Variants in RAB3B observed in about 807,000 individuals in gnomAD.
RAB3B encodes RAB3B, member RAS oncogene family, also known as ras-related protein Rab-3B.
A neutral mutation model predicts 20.5 loss-of-function variants in RAB3B; 11 were observed. The observed-to-expected ratio is 0.54, with a 90% CI of 0.34 to 0.89. RAB3B has a LOEUF of 0.89. Among genes scored for constraint, RAB3B ranks in the 40% least tolerant of loss-of-function variants. RAB3B has a pLI of 0.02. For missense variants in RAB3B, 225 were observed against 280.9 expected, an observed-to-expected ratio of 0.80 and a Z score of 1.42; for synonymous variants, 99 against 106.3, an observed-to-expected ratio of 0.93 and a Z score of 0.42.
intron 1 of RAB3B, among the ~76,000 whole-genome samples, chr1:51,986,370 T>G (rs947237499): frequency 6.6e-6 from 1 of 152,026 alleles, no homozygotes; most frequent in Non-Finnish European, 1.5e-5. Flanking sequence ...CAGGATGGTC[T>G]CGGTCTCCTG....
At chr1:51,953,474 A>G (rs984179193) in intron 2 of RAB3B, among the ~76,000 whole-genome samples, 2 of 152,228 alleles carry the variant, frequency 1.3e-5, no homozygotes, top group African/African-American at 2.4e-5. Context: ...ATTGCAGGTG[A>G]TAAAAGTAAG....
At chr1:51,943,567 C>T (rs562325454) in intron 2 of RAB3B, among the ~76,000 whole-genome samples, 63 of 152,256 alleles carry the variant, frequency 4.1e-4, no homozygotes, top group African/African-American at 1.4e-3. Context: ...TTGTACCAAA[C>T]GTTAGCCAAA....
intron 2 of RAB3B, among the ~76,000 whole-genome samples, chr1:51,951,965 AG>A (rs1471232127): frequency 6.6e-6 from 1 of 152,214 alleles, no homozygotes; most frequent in Non-Finnish European, 1.5e-5. Flanking sequence ...CTAATCTTTG[AG>A]GTCCAGGTCA....
In RAB3B at chr1:51,927,155, AAC is replaced by A. The variant is rs113368460; in HGVS notation, c.472+6161_472+6162del. ...TTCCTTGGTTCATCTCAATCTAGAA[AAC>A]ACACACACACACACAGATTTATTGA... On this transcript the variant is annotated intron_variant, in intron 4 of 4. Coordinates refer to ENST00000371655, the MANE Select transcript of RAB3B (RefSeq NM_002867.4). Among the ~76,000 whole-genome samples the A allele has an allele frequency of 4.6e-3, 701 of 151,466 alleles. 11 individuals carry two copies. Among genetic ancestry groups the A allele is most frequent in the African/African-American group, 0.016 (675 of 41,354 alleles).
At chr1:51,963,238 C>G (rs1218665570) in intron 2 of RAB3B, among the ~76,000 whole-genome samples, 1 of 152,206 alleles carries the variant, frequency 6.6e-6, no homozygotes, top group African/African-American at 2.4e-5. Context: ...CTCTTTCCAG[C>G]TCACTCCTTG....
intron 2 of RAB3B, among the ~76,000 whole-genome samples, chr1:51,963,391 C>T (rs938783397): frequency 2.6e-5 from 4 of 152,196 alleles, no homozygotes; most frequent in African/African-American, 9.7e-5. Flanking sequence ...CCTGACTCCC[C>T]AGGCCCTCTT....
chr1:51,925,865 T>C (rs1342148896), intron 4 of RAB3B, among the ~76,000 whole-genome samples: 1 of 152,204 alleles, frequency 6.6e-6, no homozygotes, highest in Non-Finnish European at 1.5e-5. Flanking sequence ...AACAGAATAT[T>C]GAGGAAACCC....
chr1:51,928,327 GA>G (rs1478396678), intron 4 of RAB3B, among the ~76,000 whole-genome samples: 2 of 152,072 alleles, frequency 1.3e-5, no homozygotes, highest in African/African-American at 4.8e-5. Flanking sequence ...GGCTGGTCTC[GA>G]ACTCCCGACC....
intron 2 of RAB3B, among the ~76,000 whole-genome samples, chr1:51,967,769 G>A (rs933148957): frequency 1.1e-4 from 16 of 151,788 alleles, no homozygotes; most frequent in Admixed American, 6.6e-4. Context: ...TCCTGCCTTG[G>A]CCTCCCAAAG....
chr1:51,939,860 C>A (rs147667765), intron 2 of RAB3B, among the ~76,000 whole-genome samples: 45 of 152,380 alleles, frequency 3.0e-4, no homozygotes, highest in South Asian at 1.4e-3. Context: ...AAGGCATGAG[C>A]CTGTAAAGCC....
chr1:51,969,125 T>A (rs1428345624), intron 2 of RAB3B, among the ~76,000 whole-genome samples: 1 of 152,094 alleles, frequency 6.6e-6, no homozygotes, highest in Non-Finnish European at 1.5e-5. Context: ...CAAAACCCTG[T>A]CTCTACAAAA....
At chr1:51,939,533 C>T (rs1418297933) in intron 2 of RAB3B, among the ~76,000 whole-genome samples, 1 of 152,164 alleles carries the variant, frequency 6.6e-6, no homozygotes, top group Non-Finnish European at 1.5e-5. Context: ...AGTGATCCTC[C>T]CACCTCAGCC....
At chr1:51,987,448 G>T (rs779049169) in intron 1 of RAB3B, among the ~76,000 whole-genome samples, 10 of 152,074 alleles carry the variant, frequency 6.6e-5, no homozygotes, top group Non-Finnish European at 1.2e-4. Context: ...ATTAAAACCT[G>T]TATATGGGAG....
chr1:51,940,673 G>T (rs905596398), intron 2 of RAB3B, among the ~76,000 whole-genome samples: 1 of 152,094 alleles, frequency 6.6e-6, no homozygotes, highest in Non-Finnish European at 1.5e-5. Context: ...AAACATGGTG[G>T]TTTGGGGTAG....
At chr1:51,930,311 T>C (rs1684304927) in intron 4 of RAB3B, among the ~76,000 whole-genome samples, 1 of 152,260 alleles carries the variant, frequency 6.6e-6, no homozygotes, top group Admixed American at 6.5e-5. Context: ...TGCTCTATAG[T>C]ACCTAGCTTG....
At chr1:51,985,802 G>A (rs1685143367) in intron 1 of RAB3B, among the ~76,000 whole-genome samples, 3 of 150,430 alleles carry the variant, frequency 2.0e-5, no homozygotes, top group African/African-American at 7.4e-5. Context: ...GATGGCAAGA[G>A]TAAAAAATTG....
At chr1:51,974,193 T>C (rs183906008) in intron 2 of RAB3B, among the ~76,000 whole-genome samples, 157 of 152,200 alleles carry the variant, frequency 1.0e-3, no homozygotes, top group African/African-American at 3.6e-3. Flanking sequence ...TGCTCTCACA[T>C]CCCCCTGTGC....
chr1:51,963,515 A>T (rs1684810025), intron 2 of RAB3B, among the ~76,000 whole-genome samples: 1 of 152,240 alleles, frequency 6.6e-6, no homozygotes, highest in Admixed American at 6.5e-5. Flanking sequence ...CCATGCTTCA[A>T]ATTCATGAGC....
chr1:51,979,130 T>G (rs1685049146), intron 1 of RAB3B, among the ~76,000 whole-genome samples: 2 of 152,116 alleles, frequency 1.3e-5, no homozygotes, highest in Admixed American at 6.6e-5. Flanking sequence ...GGCATAGCAC[T>G]TACATGGAGG....
Sources: allele counts gnomAD v4.1 joint callset (sites outside exome capture counted in the v4.1 genomes callset), GRCh38; gene constraint gnomAD v4.1.1; transcripts MANE v1.5; gene names NCBI Gene and HGNC (gene_info 2026-07-23, HGNC 2026-07-21).